FABP3: variants seen among roughly 807,000 people sequenced by gnomAD.
The protein encoded by FABP3 is fatty acid binding protein 3.
FABP3 carries 8 observed loss-of-function variants against 13.4 expected under a neutral mutation model. The ratio of observed to expected loss-of-function variants is 0.60; its 90% CI spans 0.35 to 1.07. The LOEUF (loss-of-function observed/expected upper bound fraction) is 1.07, where lower values mean the gene tolerates loss of function less well. Ranked by LOEUF, FABP3 falls within the 50% of genes least tolerant of loss-of-function variation. FABP3 has a pLI of 0.02. For synonymous variants in FABP3, 64 were observed against 60.0 expected (o/e 1.07, Z -0.31); for missense variants, 135 against 164.7 (o/e 0.82, Z 0.99).
intron 1 of FABP3, among the ~76,000 whole-genome samples, chr1:31,370,845 G>T (rs1158025946): frequency 1.3e-5 from 2 of 152,108 alleles, no homozygotes; most frequent in Admixed American, 6.6e-5. Context: ...GGTGGTGTGT[G>T]TAAAGTCTCC....
At chr1:31,367,092 C>A (rs1202666626) in intron 3 of FABP3, among the ~76,000 whole-genome samples, 2 of 152,222 alleles carry the variant, frequency 1.3e-5, no homozygotes, top group Non-Finnish European at 2.9e-5. Flanking sequence ...TACACTGTCT[C>A]TTACAGGCTT....
chr1:31,360,757 TTA>T (rs1316729317), downstream of FABP3, among the ~76,000 whole-genome samples: 3 of 152,214 alleles, frequency 2.0e-5, no homozygotes, highest in Non-Finnish European at 4.4e-5. Flanking sequence ...AAACTCTGTG[TTA>T]TAAAGTATAG....
rs564785601 is a variant in FABP3 at position 31,365,704 on chromosome 1, T to TTA, written c.*181_*182insTA. ...CCTCAGAGCACCCTATGAGTGCAGT[T>TTA]AAAAAAAAAAAAAAAAAACCACATA... On this transcript the variant is annotated 3_prime_UTR_variant, in exon 4 of 4. Transcript: ENST00000373713. 2.0e-5 allele frequency: 9 copies of TTA among 457,348 alleles called. No homozygotes were observed. The highest frequency in any genetic ancestry group is 3.5e-5 in the Non-Finnish European group (9 of 256,430). The allele number at this position is 457,348 out of a possible 1,614,324, so 28.3% of individuals were successfully genotyped here. A position where few individuals can be genotyped will look rare whatever the true frequency, so the allele number is the denominator to read the frequency against.
At chr1:31,363,399 G>T (rs1640000767), downstream of FABP3, among the ~76,000 whole-genome samples, 1 of 152,114 alleles carries the variant, frequency 6.6e-6, no homozygotes, top group African/African-American at 2.4e-5. Context: ...TAGCCAGGAT[G>T]GTCTCGATCT....
chr1:31,360,786 G>T (rs1460042320), downstream of FABP3, among the ~76,000 whole-genome samples: 1 of 152,204 alleles, frequency 6.6e-6, no homozygotes, highest in Admixed American at 6.5e-5. Flanking sequence ...TGCCGCTTTA[G>T]CCTTGGTCGA....
At chr1:31,372,694 C>T (rs1052854118) in intron 1 of FABP3, among the ~76,000 whole-genome samples, 4 of 152,162 alleles carry the variant, frequency 2.6e-5, no homozygotes, top group African/African-American at 9.7e-5. Flanking sequence ...TCACATATCC[C>T]TCTTCCTGGA....
chr1:31,363,386 T>C (rs1022694461), downstream of FABP3, among the ~76,000 whole-genome samples: 1 of 152,154 alleles, frequency 6.6e-6, no homozygotes, highest in Non-Finnish European at 1.5e-5. Flanking sequence ...GGTTTCACCA[T>C]GTTAGCCAGG....
chr1:31,369,288 C>T, intron 2 of FABP3, 97 bp downstream of exon 2: 3 of 1,252,594 alleles, frequency 2.4e-6, no homozygotes, highest in Non-Finnish European at 3.4e-6. Flanking sequence ...TGATAGTCTG[C>T]CCCTCAGGGT....
intron 1 of FABP3, 56 bp downstream of exon 1, chr1:31,372,886 A>G: frequency 6.6e-7 from 1 of 1,505,496 alleles, no homozygotes. Flanking sequence ...GCGTGGGGCT[A>G]GGCACGCCAC....
At chr1:31,361,622 A>G (rs951923589), downstream of FABP3, among the ~76,000 whole-genome samples, 16 of 152,170 alleles carry the variant, frequency 1.1e-4, no homozygotes, top group African/African-American at 3.6e-4. Flanking sequence ...AAGAGGGGCC[A>G]TGTGCTACAT....
Position 31,369,390 on chromosome 1 carries a change from C to T in FABP3, c.241G>A (p.Val81Ile). ...FDETTADDRK[V>I]KSIVTLDGGK... ...CCCCTGTTTCCCTGACTTACCTTGACCTTCCTGTCATCTGCTGTTGTCTCA... is the reference window on the plus strand; with the variant it reads ...CCCCTGTTTCCCTGACTTACCTTGATCTTCCTGTCATCTGCTGTTGTCTCA... Residue 81 changes from valine (V) to isoleucine (I), a missense_variant, in exon 2 of 4, where the codon GTC becomes ATC. By Grantham distance (29) the Val-to-Ile change is conservative. Transcript: ENST00000373713. The T allele has an allele frequency of 1.9e-6, 3 of 1,614,082 alleles. No individual in the cohort carries two copies. The East Asian group carries it at 6.7e-5, about 36-fold the overall frequency.
At position 31,365,574 on chromosome 1, in the gene FABP3, C is replaced by T. The variant is rs189871114; in HGVS notation, c.*312G>A. ...GCTTCTTCCTCAGTAACCTTCAGGC[C>T]GTTATTTCTGCCCACTCTCTGACAC... is the stretch of plus-strand genomic sequence containing the variant. On this transcript the variant is annotated 3_prime_UTR_variant, in exon 4 of 4. Transcript: ENST00000373713. The T allele has an allele frequency of 8.1e-4, 262 of 322,032 alleles. 3 individuals are homozygous for T. Among genetic ancestry groups the T allele is most frequent in the East Asian group, 1.3e-4 (2 of 15,574 alleles). 19.9% of individuals were successfully genotyped at this position (322,032 alleles called of 1,614,324 possible).
chr1:31,369,565 T>C lies in FABP3; in HGVS notation c.74-8A>G. 1.2e-6 allele frequency: 2 copies of C among 1,613,744 alleles called. No individual in the cohort carries two copies. Among genetic ancestry groups the C allele is most frequent in the Non-Finnish European group, 1.7e-6 (2 of 1,179,886 alleles). On this transcript the variant is annotated splice_region_variant and splice_polypyrimidine_tract_variant and intron_variant, in intron 1 of 3. Coordinates refer to ENST00000373713, the MANE Select transcript of FABP3 (RefSeq NM_004102.5). ...TGGTAGCAAAACCCACACCTGAGGG[T>C]AGGGGGAAGGTTATGAGTATATGAG...
downstream of FABP3, among the ~76,000 whole-genome samples, chr1:31,363,268 C>T (rs1253049502): frequency 6.6e-6 from 1 of 151,348 alleles, no homozygotes; most frequent in Admixed American, 6.6e-5. Context: ...ACTGCAAGCT[C>T]CGCCTCCTGG....
downstream of FABP3, chr1:31,364,406 G>C: frequency 1.3e-6 from 1 of 797,232 alleles, no homozygotes; most frequent in East Asian, 2.8e-5. Flanking sequence ...ATCACTCCTG[G>C]TCCCTTTGCA....
the FABP3 span, among the ~76,000 whole-genome samples, chr1:31,360,230 C>T: frequency 2.6e-5 from 4 of 151,422 alleles, no homozygotes; most frequent in East Asian, 5.8e-4. Context: ...AGTGCAGTGG[C>T]GCGATCTTGG....
rs182397062 is a variant in FABP3 at position 31,372,301 on chromosome 1, G to A, written c.73+641C>T. On this transcript the variant is annotated intron_variant, in intron 1 of 3. Transcript: ENST00000373713. ...TGGGCCTCTTGCCCCACCCTACCACGAGGCTCACAGACAGTGATGAAGGCC... is the reference window on the plus strand; with the variant it reads ...TGGGCCTCTTGCCCCACCCTACCACAAGGCTCACAGACAGTGATGAAGGCC... 3.9e-5 allele frequency among the ~76,000 whole-genome samples: 6 copies of A among 152,190 alleles called. No individual in the cohort carries two copies. The East Asian group carries it at 7.7e-4, about 20-fold the overall frequency.
intron 2 of FABP3, among the ~76,000 whole-genome samples, chr1:31,368,194 C>T (rs185299559): frequency 6.6e-6 from 1 of 152,226 alleles, no homozygotes; most frequent in East Asian, 1.9e-4. Context: ...GGCCACAAGG[C>T]CAGGCTAAGG....
chr1:31,369,180 G>A, intron 2 of FABP3: 1 of 579,964 alleles, frequency 1.7e-6, no homozygotes, highest in Non-Finnish European at 3.0e-6. Context: ...CAAGAAGGGA[G>A]GGAAGAAAAC....
Sources: gnomAD v4.1 joint callset for allele counts (sites outside exome capture counted in the v4.1 genomes callset) on GRCh38, gnomAD v4.1.1 for gene constraint, MANE v1.5 for transcripts, NCBI Gene and HGNC (gene_info 2026-07-23, HGNC 2026-07-21) for gene names.